The following ERBB4 variants were observed in gnomAD, a reference collection of about 807,000 sequenced individuals.
ERBB4 encodes receptor tyrosine-protein kinase erbB-4.
Under a neutral mutation model 158.0 loss-of-function variants are expected in ERBB4, and 42 were observed. That is an observed-to-expected ratio of 0.27 (90% CI 0.21 to 0.34). The LOEUF (loss-of-function observed/expected upper bound fraction) is 0.34. ERBB4 is among the 10% of genes least tolerant of loss of function. ERBB4 has a pLI of 1.00. For synonymous variants in ERBB4, 583 were observed against 558.7 expected (o/e 1.04, Z -0.61); for missense variants, 1,333 against 1,624.1 (o/e 0.82, Z 3.08).
At chr2:212,394,373 T>A (rs2090963894) in intron 1 of ERBB4, among the ~76,000 whole-genome samples, 1 of 152,144 alleles carries the variant, frequency 6.6e-6, no homozygotes, top group South Asian at 2.1e-4. Flanking sequence ...GTACTGTCGC[T>A]AATATAATGT....
intron 19 of ERBB4, among the ~76,000 whole-genome samples, chr2:211,600,732 AGG>A (rs890388190): frequency 1.8e-4 from 27 of 152,310 alleles, no homozygotes; most frequent in African/African-American, 6.3e-4. Context: ...AAAATGGGGA[AGG>A]GGAGGCTAAC....
At chr2:211,874,519 T>G (rs1451142478) in intron 3 of ERBB4, among the ~76,000 whole-genome samples, 2 of 152,176 alleles carry the variant, frequency 1.3e-5, no homozygotes, top group African/African-American at 2.4e-5. Flanking sequence ...TAATATCTCC[T>G]TTGATAAATT....
chr2:211,742,205 G>T (rs2074823627), intron 5 of ERBB4, among the ~76,000 whole-genome samples: 2 of 152,136 alleles, frequency 1.3e-5, no homozygotes, highest in South Asian at 4.1e-4. Context: ...GCTTTTCTCT[G>T]CTCTAATTGG....
chr2:212,132,638 C>A (rs772331635), intron 1 of ERBB4, among the ~76,000 whole-genome samples: 1 of 151,978 alleles, frequency 6.6e-6, no homozygotes, highest in South Asian at 2.1e-4. Context: ...TATACCATTG[C>A]CACTCTAACT....
At chr2:212,145,969 C>T (rs1331474548) in intron 1 of ERBB4, among the ~76,000 whole-genome samples, 2 of 152,094 alleles carry the variant, frequency 1.3e-5, no homozygotes, top group Non-Finnish European at 2.9e-5. Context: ...TACTTCCTGT[C>T]CCCCTAAGGG....
At chr2:212,256,000 TA>T (rs772742682) in intron 1 of ERBB4, among the ~76,000 whole-genome samples, 9,684 of 119,872 alleles carry the variant, frequency 0.081, 441 homozygotes, top group African/African-American at 0.15. Flanking sequence ...TTTATTTATT[TA>T]TTTTTTTTTT....
At chr2:211,665,560 AG>A in intron 14 of ERBB4, 83 bp from the exon 15 acceptor site, 13 of 1,304,436 alleles carry the variant, frequency 1.0e-5, no homozygotes, top group Non-Finnish European at 1.3e-5. Context: ...TTAGTTACTG[AG>A]ACTTCAGTAG....
At chr2:212,386,375 G>A (rs1560181021) in intron 1 of ERBB4, among the ~76,000 whole-genome samples, 1 of 151,668 alleles carries the variant, frequency 6.6e-6, no homozygotes, top group Non-Finnish European at 1.5e-5. Context: ...GGTTTGGGTG[G>A]GGAATGGCAC....
chr2:211,421,762 T>A (rs895076346), intron 24 of ERBB4, among the ~76,000 whole-genome samples: 1 of 151,970 alleles, frequency 6.6e-6, no homozygotes, highest in Non-Finnish European at 1.5e-5. Context: ...GACCTCTTTA[T>A]GTATATGTAT....
At chr2:212,279,056 C>A (rs1329169186) in intron 1 of ERBB4, among the ~76,000 whole-genome samples, 1 of 151,512 alleles carries the variant, frequency 6.6e-6, no homozygotes. Flanking sequence ...TTAAATCTCT[C>A]TCTTTTACTG....
At chr2:212,484,542 A>G (rs1689877033) in intron 1 of ERBB4, among the ~76,000 whole-genome samples, 1 of 152,252 alleles carries the variant, frequency 6.6e-6, no homozygotes, top group Non-Finnish European at 1.5e-5. Context: ...TTCTGATTCC[A>G]CAGAGAAAAT....
At chr2:211,632,669 A>G (rs192106548) in intron 16 of ERBB4, among the ~76,000 whole-genome samples, 254 of 152,156 alleles carry the variant, frequency 1.7e-3, no homozygotes, top group African/African-American at 5.5e-3. Context: ...CTTCCAGGAG[A>G]AGAAACTAAT....
chr2:212,167,137 TC>T (rs1168468638), intron 1 of ERBB4, among the ~76,000 whole-genome samples: 9 of 152,092 alleles, frequency 5.9e-5, no homozygotes, highest in African/African-American at 1.9e-4. Context: ...AAAGAAACTA[TC>T]ATCAGAGTGA....
At chr2:212,500,248 GA>G in intron 1 of ERBB4, among the ~76,000 whole-genome samples, 1 of 152,106 alleles carries the variant, frequency 6.6e-6, no homozygotes, top group East Asian at 1.9e-4. Flanking sequence ...GCATAATAAG[GA>G]TTCACATACA....
chr2:211,436,290 T>A (rs914100602), intron 20 of ERBB4, among the ~76,000 whole-genome samples: 68 of 152,354 alleles, frequency 4.5e-4, no homozygotes, highest in African/African-American at 1.3e-3. Flanking sequence ...GGAATTTGAA[T>A]TGTGCAAACT....
At chr2:212,337,426 T>C (rs1033465732) in intron 1 of ERBB4, among the ~76,000 whole-genome samples, 5 of 152,108 alleles carry the variant, frequency 3.3e-5, no homozygotes, top group Admixed American at 2.6e-4. Context: ...TGTGTATTTA[T>C]TTGTACTTTC....
intron 20 of ERBB4, among the ~76,000 whole-genome samples, chr2:211,522,189 G>A (rs1000430730): frequency 2.0e-5 from 3 of 152,128 alleles, no homozygotes; most frequent in Non-Finnish European, 4.4e-5. Context: ...CATTTTAGAG[G>A]CTATTAAGTA....
intron 1 of ERBB4, among the ~76,000 whole-genome samples, chr2:212,437,805 T>C (rs1380943020): frequency 6.6e-6 from 1 of 152,088 alleles, no homozygotes; most frequent in Admixed American, 6.6e-5. Flanking sequence ...ATGACTTTTA[T>C]TCTATGACTT....
chr2:212,348,709 TACTG>T (rs1417783335), intron 1 of ERBB4, among the ~76,000 whole-genome samples: 1 of 152,164 alleles, frequency 6.6e-6, no homozygotes, highest in Admixed American at 6.5e-5. Flanking sequence ...CTGGTGGCAT[TACTG>T]ACAGTCTATG....
Sources: gnomAD v4.1 joint callset for allele counts (sites outside exome capture counted in the v4.1 genomes callset) on GRCh38, gnomAD v4.1.1 for gene constraint, MANE v1.5 for transcripts, NCBI Gene and HGNC (gene_info 2026-07-23, HGNC 2026-07-21) for gene names.